CTIF: variants seen among roughly 807,000 people sequenced by gnomAD.
The protein encoded by CTIF is CBP80/20-dependent translation initiation factor.
In CTIF, 21 loss-of-function variants were observed where a neutral mutation model predicts 66.0. The ratio of observed to expected loss-of-function variants is 0.32; its 90% CI spans 0.23 to 0.46. The LOEUF is 0.46. CTIF is among the 20% of genes least tolerant of loss of function. CTIF has a pLI of 1.00. For synonymous variants in CTIF, 345 were observed against 326.4 expected, an observed-to-expected ratio of 1.06 and a Z score of -0.62; for missense variants, 739 against 812.7, an observed-to-expected ratio of 0.91 and a Z score of 1.10.
At chr18:48,773,623 G>A (rs1910382477) in intron 9 of CTIF, among the ~76,000 whole-genome samples, 1 of 152,214 alleles carries the variant, frequency 6.6e-6, no homozygotes, top group Admixed American at 6.5e-5. Context: ...GAGCCCCTGG[G>A]TGAGCAGGCT....
chr18:48,721,754 C>A (rs575861615), intron 7 of CTIF, among the ~76,000 whole-genome samples: 88 of 151,978 alleles, frequency 5.8e-4, no homozygotes, highest in Non-Finnish European at 1.1e-3. Context: ...CGTGCATCCC[C>A]CCCTCTCTGT....
intron 5 of CTIF, 104 bp downstream of exon 5, chr18:48,664,655 G>GCCAC: frequency 2.1e-6 from 2 of 944,718 alleles, no homozygotes; most frequent in Non-Finnish European, 3.3e-6. Context: ...GACTCAGGTG[G>GCCAC]CTGATGCCCC....
chr18:48,859,360 G>T lies in CTIF; in HGVS notation c.1598G>T (p.Arg533Leu). The part of the protein sequence containing the change: ...CCSMELQSTG[R>L]LLEEQLPEMM... Reference sequence around the variant, plus strand: ...TGTCTGCAGCTGCAGAGTACAGGCCGGCTGCTGGAGGAACAGCTGCCTGAG... The same window carrying T: ...TGTCTGCAGCTGCAGAGTACAGGCCTGCTGCTGGAGGAACAGCTGCCTGAG... The change falls in exon 12 of 12, where the codon CGG becomes CTG. Residue 533 changes from arginine (R) to leucine (L), a missense_variant. Arg to Leu is a moderately radical substitution (Grantham distance 102, BLOSUM62 -2). Coordinates refer to ENST00000256413, the MANE Select transcript of CTIF (RefSeq NM_014772.3). 6.2e-7 allele frequency: 1 copy of T among 1,614,024 alleles called. No individual in the cohort carries two copies. The highest frequency in any genetic ancestry group is 8.5e-7 in the Non-Finnish European group (1 of 1,180,014).
intron 1 of CTIF, chr18:48,568,229 G>A (rs1336273709): frequency 1.3e-5 from 2 of 152,124 alleles, no homozygotes; most frequent in Non-Finnish European, 2.9e-5. Flanking sequence ...GCAAAAAGTA[G>A]GGGAGAAATC....
chr18:48,749,649 T>C (rs932623353), intron 7 of CTIF, among the ~76,000 whole-genome samples: 1 of 152,180 alleles, frequency 6.6e-6, no homozygotes, highest in Non-Finnish European at 1.5e-5. Flanking sequence ...CCTTTAAAAC[T>C]CACAAGAACC....
At chr18:48,631,122 C>A (rs2090703701) in intron 2 of CTIF, among the ~76,000 whole-genome samples, 1 of 152,232 alleles carries the variant, frequency 6.6e-6, no homozygotes. Context: ...TCTCCTCCTC[C>A]TCCAATGCTC....
chr18:48,580,946 C>T (rs1599179100), intron 1 of CTIF, among the ~76,000 whole-genome samples: 1 of 152,380 alleles, frequency 6.6e-6, no homozygotes, highest in Non-Finnish European at 1.5e-5. Flanking sequence ...CGCGGCCCCA[C>T]CCAGCTGACA....
intron 10 of CTIF, among the ~76,000 whole-genome samples, chr18:48,839,875 G>A (rs4939819): frequency 0.23 from 35,637 of 152,056 alleles, 4,385 homozygotes; most frequent in African/African-American, 0.29. Flanking sequence ...AGGCCCTTCC[G>A]AATGGCCTCA....
chr18:48,646,447 TA>T (rs34735937), intron 3 of CTIF, among the ~76,000 whole-genome samples: 110,352 of 149,026 alleles, frequency 0.74, 41,635 homozygotes, highest in East Asian at 0.98. Context: ...TTGGCAGCAT[TA>T]AAAAAAAAAA....
chr18:48,639,866 C>A (rs1200260430), intron 3 of CTIF, among the ~76,000 whole-genome samples: 1 of 152,052 alleles, frequency 6.6e-6, no homozygotes, highest in African/African-American at 2.4e-5. Flanking sequence ...GGGACACCCA[C>A]CTGGGTTTCC....
intron 3 of CTIF, among the ~76,000 whole-genome samples, chr18:48,654,378 C>G (rs1391520950): frequency 1.3e-5 from 2 of 152,218 alleles, no homozygotes; most frequent in Non-Finnish European, 2.9e-5. Context: ...AAAAAATGCT[C>G]ATCATCACTG....
intron 1 of CTIF, among the ~76,000 whole-genome samples, chr18:48,600,008 A>C (rs898673426): frequency 6.6e-6 from 1 of 152,170 alleles, no homozygotes; most frequent in Non-Finnish European, 1.5e-5. Context: ...GAGAAGGGAC[A>C]ACTCACCTAG....
chr18:48,714,602 C>T (rs1037064827), intron 7 of CTIF, among the ~76,000 whole-genome samples: 3 of 152,200 alleles, frequency 2.0e-5, no homozygotes, highest in African/African-American at 7.2e-5. Context: ...ACCTAAAGTC[C>T]TAGGCTTCAT....
intron 10 of CTIF, among the ~76,000 whole-genome samples, chr18:48,846,232 G>C (rs2069068136): frequency 6.6e-6 from 1 of 152,168 alleles, no homozygotes; most frequent in Non-Finnish European, 1.5e-5. Context: ...CTCTGCTAGT[G>C]CACATTTTTT....
chr18:48,758,123 G>A lies in CTIF; in HGVS notation c.789G>A (p.Gly263=). ...TGAAGCACCCACCAGGCGACAAGGG[G>A]GAGGCAGGCGCACACCGCAATGCCA... ...GNMKHPPGDK[G]EAGAHRNAKE... is the part of the protein sequence containing the mutation. Residue 263 remains glycine (G), a synonymous_variant, in exon 8 of 12, where the codon GGG becomes GGA. Coordinates refer to ENST00000256413, the MANE Select transcript of CTIF (RefSeq NM_014772.3). 6.2e-7 allele frequency: 1 copy of A among 1,614,052 alleles called. No homozygotes were observed. The highest frequency in any genetic ancestry group is 8.5e-7 in the Non-Finnish European group (1 of 1,180,012).
At chr18:48,846,782 G>T (rs1309011899) in intron 10 of CTIF, among the ~76,000 whole-genome samples, 1 of 151,596 alleles carries the variant, frequency 6.6e-6, no homozygotes, top group Non-Finnish European at 1.5e-5. Context: ...TGAATGGATG[G>T]ATGGATGGAT....
intron 9 of CTIF, among the ~76,000 whole-genome samples, chr18:48,811,983 G>A (rs775750260): frequency 2.0e-5 from 3 of 152,052 alleles, no homozygotes; most frequent in South Asian, 4.2e-4. Flanking sequence ...TGTTTTTTGA[G>A]ATGGAGTCTC....
intron 6 of CTIF, among the ~76,000 whole-genome samples, chr18:48,682,388 G>A (rs1299728221): frequency 6.6e-6 from 1 of 152,212 alleles, no homozygotes; most frequent in African/African-American, 2.4e-5. Context: ...ATCACCTGGG[G>A]ACTTGCTAGA....
At chr18:48,704,689 G>C (rs535510058) in intron 6 of CTIF, among the ~76,000 whole-genome samples, 37 of 152,250 alleles carry the variant, frequency 2.4e-4, no homozygotes, top group African/African-American at 8.7e-4. Flanking sequence ...TTTTTACAAG[G>C]ACATCAGTCA....
Sources: allele counts gnomAD v4.1 joint callset (sites outside exome capture counted in the v4.1 genomes callset), GRCh38; gene constraint gnomAD v4.1.1; transcripts MANE v1.5; gene names NCBI Gene and HGNC (gene_info 2026-07-23, HGNC 2026-07-21).